The following ARHGAP6 variants were observed in gnomAD, a reference collection of about 807,000 sequenced individuals.
The protein encoded by ARHGAP6 is rho GTPase-activating protein 6.
ARHGAP6 carries 16 observed loss-of-function variants against 55.7 expected under a neutral mutation model. That is an observed-to-expected ratio of 0.29 (90% CI 0.19 to 0.44). The LOEUF is 0.44. ARHGAP6 is among the 20% of genes least tolerant of loss of function. The pLI is 1.00. For synonymous variants in ARHGAP6, 382 were observed against 360.9 expected (o/e 1.06, Z -0.66); for missense variants, 698 against 808.9 (o/e 0.86, Z 1.66).
At chrX:11,379,953 T>A (rs1253041748) in intron 1 of ARHGAP6, among the ~76,000 whole-genome samples, 3 of 111,342 alleles carry the variant, frequency 2.7e-5, no homozygotes, top group Middle Eastern at 4.2e-3. Flanking sequence ...TTACAATACA[T>A]CCTTGCCTAT....
At chrX:11,641,374 C>T (rs113501448) in intron 1 of ARHGAP6, among the ~76,000 whole-genome samples, 1 of 111,578 alleles carries the variant, frequency 9.0e-6, no homozygotes, top group African/African-American at 3.3e-5. Context: ...AAATGTTTTC[C>T]AAAGACACTT....
chrX:11,458,941 G>A (rs185000682), intron 1 of ARHGAP6, among the ~76,000 whole-genome samples: 1 of 111,191 alleles, frequency 9.0e-6, no homozygotes, highest in South Asian at 3.8e-4. Flanking sequence ...AGGTGGGATG[G>A]GGTGGGGTGA....
At chrX:11,287,944 T>A (rs1465984811) in intron 1 of ARHGAP6, among the ~76,000 whole-genome samples, 1 of 112,711 alleles carries the variant, frequency 8.9e-6, no homozygotes, top group Non-Finnish European at 1.9e-5. Flanking sequence ...GCTGGGTTCC[T>A]GCCAGCTAGC....
At position 11,398,282 on chromosome X, in the gene ARHGAP6, A is replaced by C. The variant is rs775392308; in HGVS notation, c.589-143575T>G. Among the ~76,000 whole-genome samples the C allele has an allele frequency of 9.8e-3, 1,076 of 109,940 alleles. 6 individuals carry two copies. The highest frequency in any genetic ancestry group is 0.015 in the Non-Finnish European group (814 of 52,573). On this transcript the variant is annotated intron_variant, in intron 1 of 12. Transcript: ENST00000337414. ...TGCTATAAAAAAAAAAAAAAAAAAAAAGAAACCGTGGGAGTATCTTATTGT... is the reference window on the plus strand; with the variant it reads ...TGCTATAAAAAAAAAAAAAAAAAAACAGAAACCGTGGGAGTATCTTATTGT...
chrX:11,624,003 C>T (rs748919018), intron 1 of ARHGAP6, among the ~76,000 whole-genome samples: 7 of 111,286 alleles, frequency 6.3e-5, no homozygotes, highest in East Asian at 2.8e-4. Context: ...AGCAACCAAG[C>T]GGCATGGTAC....
At chrX:11,649,083 A>G (rs1259811862) in intron 1 of ARHGAP6, among the ~76,000 whole-genome samples, 2 of 112,307 alleles carry the variant, frequency 1.8e-5, no homozygotes, top group Non-Finnish European at 3.8e-5. Context: ...TCTTCCATCA[A>G]GGGGTAGACT....
At chrX:11,517,615 G>A (rs1342762527) in intron 1 of ARHGAP6, among the ~76,000 whole-genome samples, 1 of 111,418 alleles carries the variant, frequency 9.0e-6, no homozygotes, top group Non-Finnish European at 1.9e-5. Context: ...TCATCAAGCA[G>A]TATGATATTG....
intron 8 of ARHGAP6, among the ~76,000 whole-genome samples, chrX:11,174,523 TTCCTTCC>T (rs1569240931): frequency 0.026 from 1,176 of 45,130 alleles, 18 homozygotes; most frequent in African/African-American, 0.095. Context: ...CTTTCTTTCC[TTCCTTCC>T]TTCCTTCCTT....
At chrX:11,159,865 G>A (rs1176129913) in intron 9 of ARHGAP6, among the ~76,000 whole-genome samples, 1 of 110,971 alleles carries the variant, frequency 9.0e-6, no homozygotes, top group Non-Finnish European at 1.9e-5. Flanking sequence ...TTCTCTTACT[G>A]TATAAATTAA....
chrX:11,354,271 CTCTCTCTCTCTCTCTCTCTCTCTT>C (rs1176358591), intron 1 of ARHGAP6, among the ~76,000 whole-genome samples: 24 of 75,516 alleles, frequency 3.2e-4, no homozygotes, highest in African/African-American at 1.1e-3. Flanking sequence ...AAAGAGCTCT[CTCTCTCTCTCTCTCTCTCTCTCTT>C]TCTCTCTCTC....
At chrX:11,226,183 C>T (rs1404307965) in intron 2 of ARHGAP6, among the ~76,000 whole-genome samples, 1 of 102,868 alleles carries the variant, frequency 9.7e-6, no homozygotes, top group African/African-American at 3.6e-5. Flanking sequence ...TGATGTTCCC[C>T]TTCCTGTGTC....
intron 1 of ARHGAP6, among the ~76,000 whole-genome samples, chrX:11,642,608 C>T (rs1238251968): frequency 8.9e-6 from 1 of 111,880 alleles, no homozygotes; most frequent in East Asian, 2.8e-4. Context: ...TTCAGTCATA[C>T]AAAGGAATGA....
chrX:11,469,509 T>G (rs1233429948), intron 1 of ARHGAP6, among the ~76,000 whole-genome samples: 4 of 111,763 alleles, frequency 3.6e-5, no homozygotes, highest in African/African-American at 1.3e-4. Flanking sequence ...CATAGTCTCC[T>G]GAGGAGTCTT....
chrX:11,664,255 C>A lies in ARHGAP6; in HGVS notation c.574G>T (p.Val192Leu). The change falls in exon 1 of 13, where the codon GTG (valine) becomes TTG (leucine). Residue 192 changes from valine (V) to leucine (L), a missense_variant. Transcript: ENST00000337414. ...CTGGTCCCTACCTCGGATTTCCACA[C>A]GACGTAGGGGTGCCCGCGACTGTCG... Reference protein sequence around the residue: ...PPDSRGHPYVVWKSEGDFTWN... With the variant: ...PPDSRGHPYVLWKSEGDFTWN... The A allele has an allele frequency of 1.7e-6, 2 of 1,205,583 alleles. No homozygotes were observed. Among genetic ancestry groups the A allele is most frequent in the Non-Finnish European group, 2.2e-6 (2 of 891,987 alleles).
chrX:11,639,448 C>T (rs1440395824), intron 1 of ARHGAP6, among the ~76,000 whole-genome samples: 5 of 109,817 alleles, frequency 4.6e-5, no homozygotes, highest in African/African-American at 1.7e-4. Flanking sequence ...CACCTATGAG[C>T]GAGAACATGC....
intron 1 of ARHGAP6, among the ~76,000 whole-genome samples, chrX:11,638,492 T>C (rs1366284908): frequency 1.8e-5 from 2 of 111,943 alleles, no homozygotes; most frequent in Admixed American, 1.9e-4. Flanking sequence ...TAGTGATTAC[T>C]GTCATCTGAA....
chrX:11,631,176 G>C (rs1007122079), intron 1 of ARHGAP6, among the ~76,000 whole-genome samples: 5 of 111,223 alleles, frequency 4.5e-5, no homozygotes, highest in Admixed American at 1.9e-4. Context: ...TGTCTGTGTT[G>C]TAGCCATATG....
At chrX:11,635,407 T>A (rs571039035) in intron 1 of ARHGAP6, among the ~76,000 whole-genome samples, 1 of 112,248 alleles carries the variant, frequency 8.9e-6, no homozygotes, top group Admixed American at 9.5e-5. Flanking sequence ...TTTTTTAAAA[T>A]GAGCATATAT....
chrX:11,322,669 T>C (rs982114923), intron 1 of ARHGAP6, among the ~76,000 whole-genome samples: 1 of 112,416 alleles, frequency 8.9e-6, no homozygotes, highest in Non-Finnish European at 1.9e-5. Flanking sequence ...ATGTGGTAAA[T>C]AGGATAAAAT....
Sources: allele counts gnomAD v4.1 joint callset (sites outside exome capture counted in the v4.1 genomes callset), GRCh38; gene constraint gnomAD v4.1.1; transcripts MANE v1.5; gene names NCBI Gene and HGNC (gene_info 2026-07-23, HGNC 2026-07-21).